CREB5: variants seen among roughly 807,000 people sequenced by gnomAD.
CREB5 encodes cAMP responsive element binding protein 5, also known as cyclic AMP-responsive element-binding protein 5.
Under a neutral mutation model 57.1 loss-of-function variants are expected in CREB5, and 19 were observed. The observed-to-expected ratio is 0.33, with a 90% CI of 0.23 to 0.49. The LOEUF (loss-of-function observed/expected upper bound fraction) is 0.49. Ranked by LOEUF, CREB5 falls within the 20% of genes least tolerant of loss-of-function variation. The probability of loss-of-function intolerance (pLI) is 0.99; values close to 1 mark genes in which losing one functional copy is unlikely to be tolerated. For synonymous variants in CREB5, 238 were observed against 238.3 expected (o/e 1.00, Z 0.01); for missense variants, 579 against 671.6 (o/e 0.86, Z 1.52).
chr7:28,359,682 C>A (rs1786428427), intron 1 of CREB5, among the ~76,000 whole-genome samples: 1 of 152,094 alleles, frequency 6.6e-6, no homozygotes, highest in South Asian at 2.1e-4. Flanking sequence ...TGCATTGGAC[C>A]TCAAAAGCTC....
At chr7:28,542,775 G>C (rs1486637498) in intron 4 of CREB5, among the ~76,000 whole-genome samples, 1 of 152,086 alleles carries the variant, frequency 6.6e-6, no homozygotes, top group African/African-American at 2.4e-5. Flanking sequence ...AGCTTGAGTG[G>C]ATTTTCATGT....
chr7:28,359,884 C>A (rs1417217053), intron 1 of CREB5, among the ~76,000 whole-genome samples: 1 of 152,204 alleles, frequency 6.6e-6, no homozygotes, highest in Non-Finnish European at 1.5e-5. Flanking sequence ...AGCAAGGAAA[C>A]AAATAACCTG....
intron 4 of CREB5, among the ~76,000 whole-genome samples, chr7:28,568,385 A>G (rs1795563674): frequency 6.6e-6 from 1 of 152,164 alleles, no homozygotes; most frequent in African/African-American, 2.4e-5. Flanking sequence ...AGTGTCTTTG[A>G]ACTTAAACAA....
intron 4 of CREB5, among the ~76,000 whole-genome samples, chr7:28,512,401 C>T (rs929403858): frequency 8.6e-5 from 13 of 152,012 alleles, no homozygotes; most frequent in Non-Finnish European, 1.3e-4. Flanking sequence ...TCAGAGACGA[C>T]GCAGGAGACC....
intron 1 of CREB5, among the ~76,000 whole-genome samples, chr7:28,453,177 C>A (rs1313304725): frequency 6.6e-6 from 1 of 152,124 alleles, no homozygotes; most frequent in African/African-American, 2.4e-5. Context: ...GTGGCTTATA[C>A]CTATAATCCC....
At chr7:28,502,411 A>C (rs550286758) in intron 3 of CREB5, among the ~76,000 whole-genome samples, 13 of 152,366 alleles carry the variant, frequency 8.5e-5, no homozygotes, top group Middle Eastern at 3.4e-3. Context: ...AAAGTACCTA[A>C]GAAAAATACC....
chr7:28,770,456 G>A (rs1806260321), intron 7 of CREB5, among the ~76,000 whole-genome samples: 2 of 152,190 alleles, frequency 1.3e-5, no homozygotes, highest in African/African-American at 4.8e-5. Context: ...CCTTAGTAAA[G>A]TATGAGAAAG....
intron 5 of CREB5, among the ~76,000 whole-genome samples, chr7:28,678,291 G>C (rs908139547): frequency 1.4e-4 from 22 of 151,996 alleles, no homozygotes; most frequent in Admixed American, 1.4e-3. Flanking sequence ...GGGAGGCTGA[G>C]GTGGGAGAAT....
chr7:28,559,007 CCCCTTTCGTGATTTTAAATA>C (rs1200029478), intron 4 of CREB5, among the ~76,000 whole-genome samples: 1 of 152,166 alleles, frequency 6.6e-6, no homozygotes, highest in African/African-American at 2.4e-5. Context: ...ATGTGCTGCG[CCCCTTTCGTGATTTTAAATA>C]CCCTTTCGTC....
chr7:28,577,458 T>TA (rs1297328169), intron 5 of CREB5, among the ~76,000 whole-genome samples: 2 of 152,234 alleles, frequency 1.3e-5, no homozygotes, highest in African/African-American at 4.8e-5. Context: ...CCTAGGTGAA[T>TA]AACAGCAACC....
chr7:28,551,034 T>C (rs868476184), intron 4 of CREB5, among the ~76,000 whole-genome samples: 6 of 152,190 alleles, frequency 3.9e-5, no homozygotes, highest in Non-Finnish European at 8.8e-5. Context: ...AACACATCTG[T>C]TATCAAATTT....
intron 4 of CREB5, among the ~76,000 whole-genome samples, chr7:28,546,323 G>A (rs1453262182): frequency 6.6e-6 from 1 of 152,034 alleles, no homozygotes; most frequent in Non-Finnish European, 1.5e-5. Context: ...TCCACTTTTT[G>A]GTTATTATGA....
At chr7:28,769,689 A>G (rs1806218669) in intron 7 of CREB5, among the ~76,000 whole-genome samples, 2 of 152,232 alleles carry the variant, frequency 1.3e-5, no homozygotes, top group South Asian at 4.1e-4. Flanking sequence ...TGGGTACCTG[A>G]CTGAAATGTA....
chr7:28,486,083 T>G (rs7808354), intron 1 of CREB5, among the ~76,000 whole-genome samples: 2,910 of 152,258 alleles, frequency 0.019, 90 homozygotes, highest in African/African-American at 0.065. Context: ...ATCACTGTAT[T>G]CATGGGTGGC....
intron 4 of CREB5, among the ~76,000 whole-genome samples, chr7:28,533,961 C>T (rs1363100300): frequency 3.3e-5 from 5 of 152,154 alleles, no homozygotes; most frequent in Non-Finnish European, 5.9e-5. Context: ...TTACTTTTGA[C>T]ATGAGTTGAT....
At chr7:28,372,919 A>G (rs1049887348) in intron 1 of CREB5, among the ~76,000 whole-genome samples, 7 of 152,354 alleles carry the variant, frequency 4.6e-5, no homozygotes, top group Admixed American at 3.9e-4. Flanking sequence ...TAGAATGTGT[A>G]CGGCTTTGTC....
intron 5 of CREB5, among the ~76,000 whole-genome samples, chr7:28,669,926 T>C (rs1799963655): frequency 6.6e-6 from 1 of 152,238 alleles, no homozygotes; most frequent in South Asian, 2.1e-4. Context: ...GAGCCCCCGC[T>C]ACCTTGGGCT....
intron 1 of CREB5, among the ~76,000 whole-genome samples, chr7:28,407,350 C>A (rs940531756): frequency 1.2e-4 from 18 of 152,170 alleles, no homozygotes; most frequent in African/African-American, 4.3e-4. Context: ...CGTGCCCGGC[C>A]CCAAGCACAA....
chr7:28,593,782 C>T (rs570626857), intron 5 of CREB5, among the ~76,000 whole-genome samples: 2 of 152,296 alleles, frequency 1.3e-5, no homozygotes, highest in East Asian at 3.9e-4. Context: ...TGCCACATTC[C>T]CCAGAATGTG....
Sources: allele counts gnomAD v4.1 joint callset (sites outside exome capture counted in the v4.1 genomes callset), GRCh38; gene constraint gnomAD v4.1.1; transcripts MANE v1.5; gene names NCBI Gene and HGNC (gene_info 2026-07-23, HGNC 2026-07-21).